The following KIAA1217 variants were observed in gnomAD, a reference collection of about 807,000 sequenced individuals.
The protein encoded by KIAA1217 is KIAA1217.
A neutral mutation model predicts 163.9 loss-of-function variants in KIAA1217; 88 were observed. The observed-to-expected ratio is 0.54, with a 90% CI of 0.45 to 0.64. KIAA1217 has a LOEUF of 0.64. KIAA1217 is among the 30% of genes least tolerant of loss of function. The probability of loss-of-function intolerance (pLI) is 0.00; values close to 1 mark genes in which losing one functional copy is unlikely to be tolerated. For missense variants in KIAA1217, 2,372 were observed against 2,475.0 expected (o/e 0.96, Z 0.88); for synonymous variants, 903 against 923.1 (o/e 0.98, Z 0.39).
intron 2 of KIAA1217, among the ~76,000 whole-genome samples, chr10:24,198,175 T>C (rs74505367): frequency 0.055 from 8,331 of 152,290 alleles, 731 homozygotes; most frequent in African/African-American, 0.18. Flanking sequence ...CCATTATCAG[T>C]GGGTAATATT....
intron 2 of KIAA1217, among the ~76,000 whole-genome samples, chr10:24,232,509 A>T (rs1409299115): frequency 1.3e-5 from 2 of 152,176 alleles, no homozygotes; most frequent in African/African-American, 2.4e-5. Flanking sequence ...GGAAGTATGG[A>T]AAGGCAAGAA....
chr10:24,451,284 A>G (rs1021391849), intron 5 of KIAA1217, among the ~76,000 whole-genome samples: 3 of 152,194 alleles, frequency 2.0e-5, no homozygotes, highest in Non-Finnish European at 2.9e-5. Context: ...AGACTGGCTA[A>G]CTGTGCCTGC....
intron 9 of KIAA1217, among the ~76,000 whole-genome samples, 181 bp downstream of exon 9, chr10:24,501,726 C>CTTTTTTTTT (rs1554909743): frequency 9.0e-6 from 1 of 111,528 alleles, no homozygotes; most frequent in Non-Finnish European, 1.9e-5. Context: ...TCTATAACCA[C>CTTTTTTTTT]TTCTTTTTTT....
At chr10:23,799,736 A>C (rs1836381132) in intron 1 of KIAA1217, among the ~76,000 whole-genome samples, 1 of 152,198 alleles carries the variant, frequency 6.6e-6, no homozygotes, top group Non-Finnish European at 1.5e-5. Context: ...TTATGTATGA[A>C]ATAGAAATTC....
chr10:24,314,112 T>G (rs1476989477), intron 2 of KIAA1217, among the ~76,000 whole-genome samples: 3 of 152,152 alleles, frequency 2.0e-5, no homozygotes, highest in Admixed American at 6.5e-5. Flanking sequence ...TTATTTACCC[T>G]TGAAAGATGA....
intron 1 of KIAA1217, among the ~76,000 whole-genome samples, chr10:23,760,410 T>G (rs1328493647): frequency 2.0e-5 from 3 of 152,192 alleles, no homozygotes; most frequent in Non-Finnish European, 2.9e-5. Context: ...TTGAGTTAGT[T>G]AAGTTTGTGA....
intron 1 of KIAA1217, among the ~76,000 whole-genome samples, chr10:23,934,625 A>ATTTTTTTTTTTTTT (rs1183009109): frequency 2.9e-5 from 2 of 68,568 alleles, no homozygotes; most frequent in African/African-American, 1.8e-4. Context: ...ATATATATAT[A>ATTTTTTTTTTTTTT]TTTTTTTTTT....
Position 23,726,979 on chromosome 10 carries a change from C to CTTTTTTTTTTTTTTTTTTTTTTTT in KIAA1217, c.-321+31748_-321+31771dup, listed in dbSNP as rs1012125050. 4.3e-5 allele frequency among the ~76,000 whole-genome samples: 4 copies of CTTTTTTTTTTTTTTTTTTTTTTTT among 93,416 alleles called. 1 individual carries two copies. The highest frequency in any genetic ancestry group is 6.4e-4 in the East Asian group (2 of 3,112). The allele number at this position is 93,416 out of a possible 152,430, so 61.3% of individuals were successfully genotyped here. A position where few individuals can be genotyped will look rare whatever the true frequency, so the allele number is the denominator to read the frequency against. ...ATTTCCATGCCATTTGTATAGGCCT[C>CTTTTTTTTTTTTTTTTTTTTTTTT]TTTTTTTTTTTTTTTTTTTTTTTTT... On this transcript the variant is annotated intron_variant, in intron 1 of 18. Coordinates refer to the KIAA1217 transcript ENST00000376462.
chr10:24,363,551 T>C (rs1015335340), intron 2 of KIAA1217, among the ~76,000 whole-genome samples: 5 of 129,808 alleles, frequency 3.9e-5, no homozygotes, highest in Non-Finnish European at 8.2e-5. Flanking sequence ...TTTAGTTTTT[T>C]GTGGGTTTTG....
intron 1 of KIAA1217, among the ~76,000 whole-genome samples, chr10:23,937,056 G>A (rs954244954): frequency 1.3e-5 from 2 of 152,202 alleles, no homozygotes; most frequent in African/African-American, 4.8e-5. Context: ...TGTATTTTTA[G>A]TAGAGACAGG....
intron 1 of KIAA1217, among the ~76,000 whole-genome samples, chr10:23,951,520 G>A (rs1844335795): frequency 2.0e-5 from 3 of 152,134 alleles, no homozygotes; most frequent in Admixed American, 6.5e-5. Flanking sequence ...CAGCATGGTG[G>A]TGCACACCTG....
intron 1 of KIAA1217, among the ~76,000 whole-genome samples, chr10:23,957,707 C>T (rs771430367): frequency 6.6e-6 from 1 of 152,086 alleles, no homozygotes; most frequent in Non-Finnish European, 1.5e-5. Context: ...GGGTAACATA[C>T]TGAGACTCCA....
chr10:24,346,193 G>A (rs1174929126), intron 2 of KIAA1217, among the ~76,000 whole-genome samples: 1 of 152,148 alleles, frequency 6.6e-6, no homozygotes, highest in African/African-American at 2.4e-5. Flanking sequence ...GCCGGGCACC[G>A]TGGCTCACAC....
At chr10:24,474,196 TCA>T in intron 6 of KIAA1217, 136 bp downstream of exon 6, 1 of 675,972 alleles carries the variant, frequency 1.5e-6, no homozygotes, top group Non-Finnish European at 2.5e-6. Context: ...GCTGCAGGAG[TCA>T]CAGAGTGGTG....
At chr10:24,338,701 A>G (rs2046698037) in intron 2 of KIAA1217, among the ~76,000 whole-genome samples, 1 of 152,218 alleles carries the variant, frequency 6.6e-6, no homozygotes. Flanking sequence ...TCCTCATTCT[A>G]GAAGCAAAAC....
intron 2 of KIAA1217, among the ~76,000 whole-genome samples, chr10:24,314,173 G>A (rs371572025): frequency 2.3e-3 from 353 of 152,114 alleles, no homozygotes; most frequent in African/African-American, 7.5e-3. Flanking sequence ...CTGTACCTTC[G>A]TTTAAAAAAT....
At chr10:23,820,707 T>A (rs950401979) in intron 1 of KIAA1217, among the ~76,000 whole-genome samples, 18 of 152,184 alleles carry the variant, frequency 1.2e-4, no homozygotes, top group Non-Finnish European at 8.8e-5. Context: ...AAGGTGGGGC[T>A]AAAGAGAGTG....
Position 23,981,101 on chromosome 10 carries a change from G to A in KIAA1217, c.-320-26124G>A, listed in dbSNP as rs543875571. On this transcript the variant is annotated intron_variant, in intron 1 of 18. Coordinates refer to the KIAA1217 transcript ENST00000376462. The stretch of plus-strand genomic sequence containing the variant: ...ATAAACTTTAGTTAAGGCATCATTG[G>A]AGCCTTTACAAACACAGAACATTTC... Among the ~76,000 whole-genome samples the A allele has an allele frequency of 9.9e-5, 15 of 152,216 alleles. No individual in the cohort carries two copies. The South Asian group carries it at 2.9e-3, about 29-fold the overall frequency.
intron 1 of KIAA1217, among the ~76,000 whole-genome samples, chr10:23,903,657 G>A (rs1386776991): frequency 9.2e-5 from 14 of 152,076 alleles, no homozygotes; most frequent in East Asian, 7.8e-4. Context: ...ACCTGTCACA[G>A]GAGGATCTTA....
Sources: gnomAD v4.1 joint callset for allele counts (sites outside exome capture counted in the v4.1 genomes callset) on GRCh38, gnomAD v4.1.1 for gene constraint, MANE v1.5 for transcripts, NCBI Gene and HGNC (gene_info 2026-07-23, HGNC 2026-07-21) for gene names.